Variants in GPM6A observed in about 807,000 individuals in gnomAD.
The protein encoded by GPM6A is neuronal membrane glycoprotein M6-a.
Under a neutral mutation model 32.1 loss-of-function variants are expected in GPM6A, and 7 were observed. The observed-to-expected ratio is 0.22, with a 90% CI of 0.12 to 0.41. The LOEUF (loss-of-function observed/expected upper bound fraction) is 0.41, where lower values mean the gene tolerates loss of function less well. GPM6A is among the 10% of genes least tolerant of loss of function. The probability of loss-of-function intolerance (pLI) is 1.00; values close to 1 mark genes in which losing one functional copy is unlikely to be tolerated. For missense variants in GPM6A, 235 were observed against 347.2 expected, an observed-to-expected ratio of 0.68 and a Z score of 2.57; for synonymous variants, 130 against 123.4, an observed-to-expected ratio of 1.05 and a Z score of -0.35.
rs749839994 is a variant in GPM6A, at chr4:175,701,612, C to G, written c.193G>C (p.Ala65Pro). ...TCCAGTGTGTCTCCAGCAGTTCTTG[C>G]CATCTCAAAGTAGGTTTGCAGAATG... ...VNILQTYFEM[A>P]RTAGDTLDVF... Residue 65 changes from alanine (A) to proline (P), a missense_variant, in exon 2 of 7, where the codon GCA becomes CCA. Ala to Pro is a conservative substitution (Grantham distance 27). This residue lies in a region of GPM6A where 101 missense variants were observed against 171.2 expected (regional missense o/e 0.59). Transcript: ENST00000393658. The G allele has an allele frequency of 1.9e-6, 3 of 1,613,744 alleles. No homozygotes were observed. The African/African-American group carries it at 4.0e-5, about 22-fold the overall frequency.
At chr4:175,903,173 A>C (rs1738022459) in intron 1 of GPM6A, among the ~76,000 whole-genome samples, 1 of 152,134 alleles carries the variant, frequency 6.6e-6, no homozygotes, top group African/African-American at 2.4e-5. Flanking sequence ...AGAGTGACAA[A>C]AGTTTTCGAA....
intron 1 of GPM6A, among the ~76,000 whole-genome samples, chr4:175,872,340 T>C (rs1160754799): frequency 6.6e-6 from 1 of 152,198 alleles, no homozygotes; most frequent in Non-Finnish European, 1.5e-5. Flanking sequence ...TTCTCCTCTA[T>C]TTCCAGGAAC....
At chr4:175,709,727 C>CAAAAAA (rs559363193) in intron 1 of GPM6A, among the ~76,000 whole-genome samples, 1 of 68,596 alleles carries the variant, frequency 1.5e-5, no homozygotes, top group African/African-American at 6.5e-5. Flanking sequence ...GACTCCATCT[C>CAAAAAA]AAAAAAAAAA....
intron 1 of GPM6A, among the ~76,000 whole-genome samples, chr4:175,927,112 G>A (rs1738865812): frequency 6.6e-6 from 1 of 152,234 alleles, no homozygotes; most frequent in African/African-American, 2.4e-5. Context: ...ATATGCATGT[G>A]GAAAATGTTT....
At chr4:175,769,668 T>C (rs994698993) in intron 1 of GPM6A, among the ~76,000 whole-genome samples, 13 of 152,200 alleles carry the variant, frequency 8.5e-5, no homozygotes, top group Admixed American at 6.5e-4. Context: ...AAGAGTCTAC[T>C]ATCTACCAAA....
At chr4:175,932,596 G>C (rs982300268) in intron 1 of GPM6A, among the ~76,000 whole-genome samples, 2 of 152,140 alleles carry the variant, frequency 1.3e-5, no homozygotes, top group African/African-American at 4.8e-5. Context: ...ATTTATTGAT[G>C]AGATAATTGG....
chr4:175,637,868 T>G (rs948195363), intron 6 of GPM6A, among the ~76,000 whole-genome samples: 1 of 122,552 alleles, frequency 8.2e-6, no homozygotes, highest in African/African-American at 3.4e-5. Flanking sequence ...AATCTATTTA[T>G]ATATAATATT....
chr4:175,877,123 A>G (rs115296108), intron 1 of GPM6A, among the ~76,000 whole-genome samples: 3 of 152,290 alleles, frequency 2.0e-5, no homozygotes, highest in African/African-American at 7.2e-5. Context: ...GTGAGGTTCA[A>G]TAGGGAAGTG....
intron 1 of GPM6A, among the ~76,000 whole-genome samples, chr4:175,722,777 C>T (rs1254677673): frequency 6.6e-6 from 1 of 152,116 alleles, no homozygotes; most frequent in Non-Finnish European, 1.5e-5. Context: ...GCCGTCGTGG[C>T]TCATACCTGT....
chr4:175,666,041 C>T (rs1352966213), intron 3 of GPM6A, among the ~76,000 whole-genome samples: 1 of 151,354 alleles, frequency 6.6e-6, no homozygotes, highest in Non-Finnish European at 1.5e-5. Flanking sequence ...GCCTTAGCTT[C>T]CCGAGTAGCT....
At chr4:175,986,274 C>T (rs1740972166) in intron 1 of GPM6A, among the ~76,000 whole-genome samples, 1 of 152,104 alleles carries the variant, frequency 6.6e-6, no homozygotes, top group Non-Finnish European at 1.5e-5. Flanking sequence ...ATGCCTCATG[C>T]TTGTAATTCC....
At position 175,955,857 on chromosome 4, in the gene GPM6A, A is replaced by G. The variant is rs778523626; in HGVS notation, c.-23+46452T>C. Among the ~76,000 whole-genome samples, 170 of 152,310 alleles carry G rather than the reference A, an allele frequency of 1.1e-3. 1 individual carries two copies. Among genetic ancestry groups the G allele is most frequent in the Middle Eastern group, 3.4e-3 (1 of 294 alleles). ...GAGCTGTGACTGGGGACATGGTAGT[A>G]TGCTGGAGCTGGCTCTCATGGTCTA... On this transcript the variant is annotated intron_variant, in intron 1 of 7. Transcript: ENST00000280187.
chr4:175,971,683 C>G (rs1486752485), intron 1 of GPM6A, among the ~76,000 whole-genome samples: 1 of 152,148 alleles, frequency 6.6e-6, no homozygotes, highest in African/African-American at 2.4e-5. Flanking sequence ...GTAGAAGAAA[C>G]AGTGGTTTTG....
intron 1 of GPM6A, among the ~76,000 whole-genome samples, chr4:175,702,607 C>T (rs528436608): frequency 2.6e-4 from 40 of 152,024 alleles, no homozygotes; most frequent in Admixed American, 1.7e-3. Context: ...CTCTGCCTCC[C>T]GAGTTCAAGA....
chr4:175,729,350 G>T (rs1021547), intron 1 of GPM6A, among the ~76,000 whole-genome samples: 4 of 151,920 alleles, frequency 2.6e-5, no homozygotes, highest in Non-Finnish European at 5.9e-5. Flanking sequence ...CTCTCTCCCC[G>T]GTGGCAAGTA....
upstream of GPM6A, among the ~76,000 whole-genome samples, chr4:175,816,154 G>A (rs575533830): frequency 1.9e-3 from 289 of 152,288 alleles, 2 homozygotes; most frequent in African/African-American, 6.3e-3. Flanking sequence ...TCACATCACC[G>A]CACTGCAGCC....
intron 1 of GPM6A, among the ~76,000 whole-genome samples, chr4:175,838,733 G>A (rs1281582381): frequency 1.4e-5 from 2 of 138,038 alleles, no homozygotes; most frequent in Non-Finnish European, 3.0e-5. Flanking sequence ...CGGCTCACCA[G>A]AACCTTTACC....
intron 6 of GPM6A, among the ~76,000 whole-genome samples, chr4:175,637,320 A>T (rs1282210635): frequency 2.3e-5 from 1 of 42,680 alleles, no homozygotes; most frequent in African/African-American, 1.3e-4. Flanking sequence ...ATAATATAAA[A>T]TATATATTAT....
intron 1 of GPM6A, among the ~76,000 whole-genome samples, chr4:175,977,391 T>C (rs1422238568): frequency 6.6e-6 from 1 of 152,214 alleles, no homozygotes; most frequent in African/African-American, 2.4e-5. Context: ...AACTTTTCTT[T>C]CAATGTTTTG....
Sources: allele counts gnomAD v4.1 joint callset (sites outside exome capture counted in the v4.1 genomes callset), GRCh38; gene constraint gnomAD v4.1.1; regional missense constraint gnomAD v4.1.1; transcripts MANE v1.5; gene names NCBI Gene and HGNC (gene_info 2026-07-23, HGNC 2026-07-21).